Variants in IL20RB observed in about 807,000 individuals in gnomAD.
The protein encoded by IL20RB is interleukin-20 receptor subunit beta.
Under a neutral mutation model 33.3 loss-of-function variants are expected in IL20RB, and 21 were observed. The observed-to-expected ratio is 0.63, with a 90% confidence interval of 0.45 to 0.91. IL20RB has a LOEUF of 0.91. Among genes scored for constraint, IL20RB ranks in the 40% least tolerant of loss-of-function variants. The pLI is 0.00. For synonymous variants in IL20RB, 147 were observed against 146.8 expected, an observed-to-expected ratio of 1.00 and a Z score of -0.01; for missense variants, 345 against 384.8, an observed-to-expected ratio of 0.90 and a Z score of 0.86.
intron 4 of IL20RB, among the ~76,000 whole-genome samples, chr3:136,991,516 G>A (rs1206544643): frequency 6.6e-6 from 1 of 152,214 alleles, no homozygotes; most frequent in Non-Finnish European, 1.5e-5. Flanking sequence ...GGAACATTCT[G>A]TGTGCATCTG....
At chr3:136,988,694 G>C (rs1391777540) in intron 3 of IL20RB, among the ~76,000 whole-genome samples, 1 of 149,204 alleles carries the variant, frequency 6.7e-6, no homozygotes, top group Non-Finnish European at 1.5e-5. Context: ...AGTGAGCCAT[G>C]ATAGTGCCAC....
Position 136,980,487 on chromosome 3 carries a change from C to T in IL20RB, c.110C>T (p.Ala37Val), listed in dbSNP as rs1941743329. Residue 37 changes from alanine (A) to valine (V), a missense_variant, in exon 2 of 7, where the codon GCC (alanine) becomes GTC (valine). Physicochemically the swap from Ala to Val is moderately conservative, Grantham distance 64. Transcript: ENST00000329582. ...LLTDEVAILP[A>V]PQNLSVLSTN... ...CTAGATGAAGTGGCCATTCTGCCTG[C>T]CCCTCAGAACCTCTCTGTACTCTCA... 6.2e-7 allele frequency: 1 copy of T among 1,614,062 alleles called. No individual in the cohort carries two copies. The highest frequency in any genetic ancestry group is 8.5e-7 in the Non-Finnish European group (1 of 1,180,036).
Position 136,982,359 on chromosome 3 carries a change from C to G in IL20RB, c.406+9C>G, listed in dbSNP as rs1228405066. The G allele has an allele frequency of 1.3e-6, 2 of 1,560,826 alleles. No individual in the cohort carries two copies. The highest frequency in any genetic ancestry group is 2.7e-5 in the African/African-American group (2 of 73,938). ...CTTTAATAGAAACTCAAGTAAGGCA[C>G]TTCTCTCCTTACACTCCCACCCCAA... On this transcript the variant is annotated intron_variant, in intron 3 of 6. Coordinates refer to ENST00000329582, the MANE Select transcript of IL20RB (RefSeq NM_144717.4).
chr3:136,996,435 G>A (rs149102067), intron 6 of IL20RB, among the ~76,000 whole-genome samples: 2 of 152,306 alleles, frequency 1.3e-5, no homozygotes, highest in Non-Finnish European at 2.9e-5. Flanking sequence ...GCCAGTGTCA[G>A]CTTCTGAAAA....
intron 1 of IL20RB, among the ~76,000 whole-genome samples, chr3:136,961,631 C>G (rs569084900): frequency 3.6e-4 from 54 of 152,042 alleles, no homozygotes; most frequent in African/African-American, 1.2e-3. Flanking sequence ...ACATAGTATC[C>G]TGGATTGGAG....
rs535198421 is a variant in IL20RB at position 137,000,747 on chromosome 3, C to T, written c.825+5191C>T. Among the ~76,000 whole-genome samples, 35 of 152,308 alleles carry T rather than the reference C, an allele frequency of 2.3e-4. No individual in the cohort carries two copies. In the South Asian group the frequency reaches 5.4e-3, roughly 23 times the overall value. On this transcript the variant is annotated intron_variant, in intron 6 of 6. Coordinates refer to ENST00000329582, the MANE Select transcript of IL20RB (RefSeq NM_144717.4). ...ATATCAATAGCTCTTCTTTCTCATA[C>T]GTGGTGAAAAGCTCAGCCTTCCTCA... is the stretch of plus-strand genomic sequence containing the variant.
rs779444139 is a variant in IL20RB at position 136,980,551 on chromosome 3, C to T, written c.174C>T (p.Ile58=). 26 of 1,614,028 alleles carry T rather than the reference C, an allele frequency of 1.6e-5. No individual in the cohort carries two copies. Among genetic ancestry groups the T allele is most frequent in the East Asian group, 2.2e-5 (1 of 44,894 alleles). The change falls in exon 2 of 7, where the codon ATC becomes ATT. Residue 58 remains isoleucine, a synonymous_variant. Transcript: ENST00000329582. ...MKHLLMWSPV[I]APGETVYYSV... is the part of the protein sequence containing the mutation. ...ATCTCTTGATGTGGAGCCCAGTGAT[C>T]GCGCCTGGAGAAACAGTGTACTATT...
At chr3:136,998,644 AC>A (rs766888925) in intron 6 of IL20RB, among the ~76,000 whole-genome samples, 9 of 151,586 alleles carry the variant, frequency 5.9e-5, no homozygotes, top group Non-Finnish European at 1.3e-4. Flanking sequence ...ATTTTTTCTT[AC>A]TATATTTTCA....
chr3:136,978,894 G>A (rs1390968430), intron 1 of IL20RB, among the ~76,000 whole-genome samples: 1 of 152,030 alleles, frequency 6.6e-6, no homozygotes, highest in East Asian at 1.9e-4. Flanking sequence ...AAAACCATCT[G>A]TGCCTGGAGA....
intron 3 of IL20RB, among the ~76,000 whole-genome samples, chr3:136,984,793 T>G (rs1941861396): frequency 6.6e-6 from 1 of 151,932 alleles, no homozygotes; most frequent in South Asian, 2.1e-4. Context: ...CTTCATGGAA[T>G]GGAGAGGATG....
intron 1 of IL20RB, among the ~76,000 whole-genome samples, chr3:136,958,743 T>C (rs1210886330): frequency 6.6e-6 from 1 of 152,230 alleles, no homozygotes; most frequent in Non-Finnish European, 1.5e-5. Context: ...TACATAGTTT[T>C]CTCTGCTCCA....
At chr3:136,985,157 G>A (rs1034441182) in intron 3 of IL20RB, among the ~76,000 whole-genome samples, 4 of 152,200 alleles carry the variant, frequency 2.6e-5, no homozygotes, top group African/African-American at 7.2e-5. Flanking sequence ...TGCATCAGAA[G>A]ATGGAAGATA....
intron 4 of IL20RB, among the ~76,000 whole-genome samples, chr3:136,991,086 C>G (rs1365977670): frequency 6.6e-6 from 1 of 152,154 alleles, no homozygotes; most frequent in African/African-American, 2.4e-5. Context: ...CAGGGAGGGG[C>G]ATGGAGGTGG....
intron 6 of IL20RB, among the ~76,000 whole-genome samples, chr3:137,002,573 C>G (rs1942267216): frequency 6.6e-6 from 1 of 150,874 alleles, no homozygotes; most frequent in Non-Finnish European, 1.5e-5. Context: ...TAAATGTCTC[C>G]TTTTGAGAAG....
At chr3:136,981,817 G>T (rs1941781977) in intron 2 of IL20RB, among the ~76,000 whole-genome samples, 1 of 152,170 alleles carries the variant, frequency 6.6e-6, no homozygotes, top group Non-Finnish European at 1.5e-5. Flanking sequence ...GTCACAATCT[G>T]CTGAGTGGTG....
At chr3:136,982,385 C>A (rs1325258181) in intron 3 of IL20RB, 35 bp downstream of exon 3, 4 of 1,443,140 alleles carry the variant, frequency 2.8e-6, no homozygotes, top group South Asian at 1.3e-5. Flanking sequence ...CCCACCCCAA[C>A]CAGCCCCTCC....
intron 1 of IL20RB, 126 bp downstream of exon 1, chr3:136,958,327 A>G (rs997150915): frequency 3.4e-6 from 2 of 592,458 alleles, no homozygotes; most frequent in Non-Finnish European, 5.9e-6. Flanking sequence ...GTTTTACAAA[A>G]GATTTATCAC....
At chr3:136,975,975 G>C (rs1204524867) in intron 1 of IL20RB, among the ~76,000 whole-genome samples, 1 of 152,224 alleles carries the variant, frequency 6.6e-6, no homozygotes, top group Admixed American at 6.5e-5. Context: ...AGTGATGGCA[G>C]TAGCAGTGGC....
intron 6 of IL20RB, among the ~76,000 whole-genome samples, chr3:137,005,946 G>GACAAAA (rs1942341571): frequency 1.3e-5 from 2 of 152,214 alleles, no homozygotes; most frequent in African/African-American, 2.4e-5. Flanking sequence ...AGGAGCTGTT[G>GACAAAA]TAAGGCAGGC....
Sources: gnomAD v4.1 joint callset for allele counts (sites outside exome capture counted in the v4.1 genomes callset) on GRCh38, gnomAD v4.1.1 for gene constraint, MANE v1.5 for transcripts, NCBI Gene and HGNC (gene_info 2026-07-23, HGNC 2026-07-21) for gene names.